Variants in PXDNL observed in about 807,000 individuals in gnomAD.
The protein encoded by PXDNL is probable oxidoreductase PXDNL.
In PXDNL, 145 loss-of-function variants were observed where a neutral mutation model predicts 150.8. The observed-to-expected ratio is 0.96, with a 90% CI of 0.84 to 1.10. The LOEUF (loss-of-function observed/expected upper bound fraction) is 1.10. Among genes scored for constraint, PXDNL ranks in the 50% least tolerant of loss-of-function variants. PXDNL has a pLI of 0.00. For missense variants in PXDNL, 2,087 were observed against 1,873.9 expected (o/e 1.11, Z -2.10); for synonymous variants, 757 against 725.7 (o/e 1.04, Z -0.69).
At chr8:51,518,410 CATATAT>C (rs143039858) in intron 4 of PXDNL, among the ~76,000 whole-genome samples, 1 of 151,404 alleles carries the variant, frequency 6.6e-6, no homozygotes, top group African/African-American at 2.4e-5. Context: ...AAAACATATG[CATATAT>C]ATATATACAT....
chr8:51,744,989 AAAGGGAGGGAGGG>A (rs1563307890), intron 1 of PXDNL, among the ~76,000 whole-genome samples: 1 of 5,444 alleles, frequency 1.8e-4, no homozygotes, highest in East Asian at 0.014. Flanking sequence ...AGAAAGAAAG[AAAGGGAGGGAGGG>A]AAGAAAAGGA....
chr8:51,483,617 G>C, intron 6 of PXDNL, 26 bp downstream of exon 6: 1 of 1,376,280 alleles, frequency 7.3e-7, no homozygotes, highest in Non-Finnish European at 1.0e-6. Context: ...AAAGGTTTTT[G>C]TGTTAATGCA....
rs556659312 is a variant in PXDNL at position 51,514,134 on chromosome 8, G to A, written c.381-14364C>T. Among the ~76,000 whole-genome samples, 15 of 152,312 alleles carry A rather than the reference G, an allele frequency of 9.8e-5. No individual in the cohort carries two copies. In the South Asian group the frequency reaches 3.1e-3, roughly 32 times the overall value. On this transcript the variant is annotated intron_variant, in intron 4 of 22. Coordinates refer to ENST00000356297, the MANE Select transcript of PXDNL (RefSeq NM_144651.5). ...GAAGTTGGTTGATGCTTGAAATCCT[G>A]AGCATATTTGCATTGCATTGAGAAT...
chr8:51,412,872 A>T (rs1808690252), intron 15 of PXDNL, among the ~76,000 whole-genome samples: 2 of 152,218 alleles, frequency 1.3e-5, no homozygotes, highest in Admixed American at 6.5e-5. Context: ...TGTTTGGTGG[A>T]TGCTGAGGTA....
At chr8:51,769,096 C>T (rs1020422206) in intron 1 of PXDNL, among the ~76,000 whole-genome samples, 27 of 152,258 alleles carry the variant, frequency 1.8e-4, no homozygotes, top group Middle Eastern at 6.8e-3. Flanking sequence ...AGCGAGACTC[C>T]GTCTCAAAAA....
intron 1 of PXDNL, among the ~76,000 whole-genome samples, chr8:51,783,339 T>C (rs1019008238): frequency 3.9e-5 from 6 of 152,214 alleles, no homozygotes; most frequent in African/African-American, 1.4e-4. Context: ...AACCTCCTTC[T>C]GCTGCTGAGT....
At chr8:51,509,733 T>C (rs1359014019) in intron 4 of PXDNL, among the ~76,000 whole-genome samples, 2 of 106,318 alleles carry the variant, frequency 1.9e-5, no homozygotes, top group Non-Finnish European at 3.6e-5. Context: ...CATATATATA[T>C]ACATATATAC....
intron 21 of PXDNL, among the ~76,000 whole-genome samples, chr8:51,338,170 G>A (rs374649074): frequency 3.7e-5 from 5 of 134,848 alleles, no homozygotes; most frequent in African/African-American, 6.0e-5. Flanking sequence ...GTGACAGAGC[G>A]AGACTCCATC....
intron 2 of PXDNL, among the ~76,000 whole-genome samples, chr8:51,608,849 A>AAG (rs1425748227): frequency 1.3e-5 from 2 of 151,212 alleles, no homozygotes; most frequent in Non-Finnish European, 2.9e-5. Flanking sequence ...AAAAAAAAAA[A>AAG]AAAAAAAAAA....
At chr8:51,788,702 G>C (rs528114442) in intron 1 of PXDNL, among the ~76,000 whole-genome samples, 1 of 152,188 alleles carries the variant, frequency 6.6e-6, no homozygotes, top group Admixed American at 6.5e-5. Context: ...AGGACCACCT[G>C]TGAAGTTGAG....
intron 8 of PXDNL, among the ~76,000 whole-genome samples, chr8:51,462,035 G>A (rs1035420225): frequency 6.6e-6 from 1 of 152,092 alleles, no homozygotes; most frequent in African/African-American, 2.4e-5. Context: ...CACAAATTAA[G>A]TTCCCACACA....
At chr8:51,346,640 G>A (rs986220060) in intron 19 of PXDNL, among the ~76,000 whole-genome samples, 5 of 152,122 alleles carry the variant, frequency 3.3e-5, no homozygotes, top group Non-Finnish European at 1.5e-5. Flanking sequence ...GCTCCCTCAC[G>A]TCTTTGTGCT....
rs375895393 is a variant in PXDNL at position 51,444,268 on chromosome 8, C to T, written c.1525+2736G>A. Among the ~76,000 whole-genome samples the T allele has an allele frequency of 5.9e-5, 9 of 152,188 alleles. No homozygotes were observed. In the East Asian group the frequency reaches 1.2e-3, roughly 20 times the overall value. On this transcript the variant is annotated intron_variant, in intron 12 of 22. Transcript: ENST00000356297. ...CCCACCATGACTTTTGCACCATCAGCGCAAATTTCAACCCAGTGAAGAGGC... is the reference window on the plus strand; with the variant it reads ...CCCACCATGACTTTTGCACCATCAGTGCAAATTTCAACCCAGTGAAGAGGC...
At chr8:51,588,933 C>T (rs991042147) in intron 3 of PXDNL, among the ~76,000 whole-genome samples, 2 of 152,110 alleles carry the variant, frequency 1.3e-5, no homozygotes, top group Non-Finnish European at 2.9e-5. Context: ...ATATTCCATC[C>T]AAAATTCACT....
chr8:51,342,879 CA>C (rs35948794), intron 20 of PXDNL, among the ~76,000 whole-genome samples: 29,176 of 90,190 alleles, frequency 0.32, 2,377 homozygotes, highest in Middle Eastern at 0.44. Context: ...GATTAAGATT[CA>C]AAAAAAAAAA....
At chr8:51,336,549 C>T (rs964169791) in intron 21 of PXDNL, among the ~76,000 whole-genome samples, 5 of 152,318 alleles carry the variant, frequency 3.3e-5, no homozygotes, top group African/African-American at 4.8e-5. Flanking sequence ...AGTCTGTCTT[C>T]GTCATCCCCA....
intron 2 of PXDNL, among the ~76,000 whole-genome samples, chr8:51,594,178 G>A (rs189068323): frequency 6.3e-4 from 96 of 152,268 alleles, no homozygotes; most frequent in Middle Eastern, 3.4e-3. Context: ...TAAACTATAC[G>A]TGTGTATACA....
In PXDNL at chr8:51,754,051, TACAGA is replaced by T. The variant is rs200018834; in HGVS notation, c.164+55125_164+55129del. On this transcript the variant is annotated intron_variant, in intron 1 of 22. Coordinates refer to ENST00000356297, the MANE Select transcript of PXDNL (RefSeq NM_144651.5). ...TTTGATAACAAGCGCCAAGGATTTA[TACAGA>T]AAGTTTTGTCAAAACTATTCTCAGT... Among the ~76,000 whole-genome samples, 748 of 152,344 alleles carry T rather than the reference TACAGA, an allele frequency of 4.9e-3. 5 individuals are homozygous for T. The highest frequency in any genetic ancestry group is 0.017 in the African/African-American group (719 of 41,580).
At chr8:51,543,385 A>G (rs1051004071) in intron 4 of PXDNL, among the ~76,000 whole-genome samples, 6 of 152,222 alleles carry the variant, frequency 3.9e-5, no homozygotes, top group Non-Finnish European at 5.9e-5. Context: ...CTAGTAAAAT[A>G]TCCCACTTAG....
Sources: gnomAD v4.1 joint callset for allele counts (sites outside exome capture counted in the v4.1 genomes callset) on GRCh38, gnomAD v4.1.1 for gene constraint, MANE v1.5 for transcripts, NCBI Gene and HGNC (gene_info 2026-07-23, HGNC 2026-07-21) for gene names.